The following CNBD1 variants were observed in gnomAD, a reference collection of about 807,000 sequenced individuals.
CNBD1 encodes cyclic nucleotide binding domain containing 1.
CNBD1 carries 71 observed loss-of-function variants against 54.4 expected under a neutral mutation model. The ratio of observed to expected loss-of-function variants is 1.30; its 90% CI spans 1.08 to 1.59. The LOEUF (loss-of-function observed/expected upper bound fraction) is 1.59. CNBD1 is among the 40% of genes most tolerant of loss of function. The pLI, the probability that CNBD1 is intolerant of heterozygous loss-of-function variation, is 0.00. For synonymous variants in CNBD1, 182 were observed against 170.7 expected (o/e 1.07, Z -0.51); for missense variants, 659 against 518.0 (o/e 1.27, Z -2.64).
chr8:87,265,925 T>A (rs1004499647), intron 6 of CNBD1, among the ~76,000 whole-genome samples: 1 of 152,090 alleles, frequency 6.6e-6, no homozygotes, highest in African/African-American at 2.4e-5. Flanking sequence ...AAACAAAAAA[T>A]TCCCAGAAAC....
chr8:87,298,467 G>A (rs987007945), intron 8 of CNBD1, among the ~76,000 whole-genome samples: 2 of 149,704 alleles, frequency 1.3e-5, no homozygotes, highest in Admixed American at 6.7e-5. Context: ...CTTCAAATGT[G>A]CCTTGGTTTC....
chr8:87,068,571 G>T (rs1248112966), intron 4 of CNBD1, among the ~76,000 whole-genome samples: 2 of 151,994 alleles, frequency 1.3e-5, no homozygotes, highest in African/African-American at 2.4e-5. Flanking sequence ...AATCTTGCTT[G>T]TGTTTTGGTA....
intron 6 of CNBD1, among the ~76,000 whole-genome samples, chr8:87,266,100 C>A (rs186424734): frequency 6.6e-6 from 1 of 151,830 alleles, no homozygotes; most frequent in African/African-American, 2.4e-5. Flanking sequence ...TTCAATATAG[C>A]TAAATTACAT....
At chr8:86,978,900 G>GA (rs903822608) in intron 4 of CNBD1, among the ~76,000 whole-genome samples, 33 of 151,866 alleles carry the variant, frequency 2.2e-4, no homozygotes, top group African/African-American at 8.0e-4. Context: ...TTTTTTTCTG[G>GA]AAAAAAGTAT....
chr8:87,334,714 TTTTTC>T (rs1809906408), intron 8 of CNBD1, among the ~76,000 whole-genome samples: 1 of 136,728 alleles, frequency 7.3e-6, no homozygotes. Context: ...TTTCTTTTCT[TTTTTC>T]TTTTCTTTTT....
chr8:87,351,890 T>TTTATATAAATTTA, intron 9 of CNBD1, 96 bp downstream of exon 9: 3 of 1,195,430 alleles, frequency 2.5e-6, no homozygotes, highest in South Asian at 5.3e-5. Flanking sequence ...TTTATTTGTA[T>TTTATATAAATTTA]TACTTTGTGA....
chr8:86,873,079 G>T (rs1322584287), intron 1 of CNBD1, among the ~76,000 whole-genome samples: 4 of 144,920 alleles, frequency 2.8e-5, no homozygotes, highest in African/African-American at 9.9e-5. Flanking sequence ...CCCTGTTTTT[G>T]TTGTTGTTGT....
At chr8:87,259,638 A>G (rs1808095025) in intron 6 of CNBD1, among the ~76,000 whole-genome samples, 1 of 152,138 alleles carries the variant, frequency 6.6e-6, no homozygotes, top group Non-Finnish European at 1.5e-5. Flanking sequence ...ATGTAACTAC[A>G]CAGACAGACA....
At chr8:87,392,310 C>T (rs1168039948) in intron 2 of CNBD1, among the ~76,000 whole-genome samples, 1 of 151,834 alleles carries the variant, frequency 6.6e-6, no homozygotes, top group Admixed American at 6.6e-5. Flanking sequence ...AGGTCTATAT[C>T]CAAGAGAAGT....
chr8:86,989,514 G>A (rs1413015286), intron 4 of CNBD1, among the ~76,000 whole-genome samples: 2 of 151,932 alleles, frequency 1.3e-5, no homozygotes, highest in Non-Finnish European at 2.9e-5. Context: ...GCAGTGGCAC[G>A]ATCCTGGCTC....
chr8:87,331,658 A>T (rs911953790), intron 8 of CNBD1, among the ~76,000 whole-genome samples: 5 of 152,198 alleles, frequency 3.3e-5, no homozygotes, highest in African/African-American at 1.2e-4. Flanking sequence ...ACAATGGTTG[A>T]ATTAATTTAC....
chr8:87,045,600 C>T (rs1810165424), intron 4 of CNBD1, among the ~76,000 whole-genome samples: 1 of 151,324 alleles, frequency 6.6e-6, no homozygotes, highest in Non-Finnish European at 1.5e-5. Context: ...TGGCAGGTGC[C>T]TGGAGTCCCA....
intron 4 of CNBD1, among the ~76,000 whole-genome samples, chr8:87,027,912 A>T (rs1809688125): frequency 6.6e-6 from 1 of 152,220 alleles, no homozygotes; most frequent in African/African-American, 2.4e-5. Context: ...AACAGTCGGT[A>T]TGCTTCCTCT....
chr8:87,235,660 A>C (rs2130824698), intron 5 of CNBD1, among the ~76,000 whole-genome samples: 1 of 152,288 alleles, frequency 6.6e-6, no homozygotes, highest in African/African-American at 2.4e-5. Flanking sequence ...CACTGATCAC[A>C]GATCACAACA....
At chr8:87,386,714 G>C (rs530741963), downstream of CNBD1, among the ~76,000 whole-genome samples, 16 of 152,278 alleles carry the variant, frequency 1.1e-4, no homozygotes, top group African/African-American at 3.8e-4. Context: ...CTTCCCCAAT[G>C]TAGCAAGGCA....
chr8:87,425,578 G>A (rs540286923), intron 2 of CNBD1, among the ~76,000 whole-genome samples: 471 of 152,188 alleles, frequency 3.1e-3, no homozygotes, highest in African/African-American at 0.011. Flanking sequence ...GTACCCTGCA[G>A]TGTGAGGTGT....
Position 87,401,426 on chromosome 8 carries a change from G to T in CNBD1, c.214-27120G>T, listed in dbSNP as rs116257151. Among the ~76,000 whole-genome samples the T allele has an allele frequency of 6.9e-3, 1,043 of 152,178 alleles. 11 individuals carry two copies. The highest frequency in any genetic ancestry group is 0.024 in the African/African-American group (982 of 41,564). ...TTAACCACAGATGCTAGAAGCTTGG[G>T]CTGCTCTATTGGGTGACCAAGGAAT... is the stretch of plus-strand genomic sequence containing the variant. On this transcript the variant is annotated intron_variant, in intron 2 of 7. Transcript: ENST00000521593.
At chr8:87,157,679 G>T (rs957987650) in intron 4 of CNBD1, among the ~76,000 whole-genome samples, 12 of 152,150 alleles carry the variant, frequency 7.9e-5, no homozygotes, top group African/African-American at 2.9e-4. Flanking sequence ...GGCTCCTCCT[G>T]CCAAACAAGC....
chr8:87,051,996 C>T (rs535238979), intron 4 of CNBD1, among the ~76,000 whole-genome samples: 1 of 152,334 alleles, frequency 6.6e-6, no homozygotes, highest in Non-Finnish European at 1.5e-5. Context: ...GTGGTCCCCA[C>T]CACAAGCTAG....
Sources: allele counts gnomAD v4.1 joint callset (sites outside exome capture counted in the v4.1 genomes callset), GRCh38; gene constraint gnomAD v4.1.1; transcripts MANE v1.5; gene names NCBI Gene and HGNC (gene_info 2026-07-23, HGNC 2026-07-21).